The following PIK3C3 variants were observed in gnomAD, a reference collection of about 807,000 sequenced individuals.
PIK3C3 encodes PI3-kinase type 3.
In PIK3C3, 95 loss-of-function variants were observed where a neutral mutation model predicts 126.1. The ratio of observed to expected loss-of-function variants is 0.75; its 90% CI spans 0.64 to 0.89. The LOEUF (loss-of-function observed/expected upper bound fraction) is 0.89, where lower values mean the gene tolerates loss of function less well. PIK3C3 is among the 40% of genes least tolerant of loss of function. PIK3C3 has a pLI of 0.00. For missense variants in PIK3C3, 829 were observed against 1,063.2 expected, an observed-to-expected ratio of 0.78 and a Z score of 3.06; for synonymous variants, 374 against 360.0, an observed-to-expected ratio of 1.04 and a Z score of -0.44.
chr18:42,007,281 CT>C lies in PIK3C3; in HGVS notation c.1170+2744del, dbSNP rs553471342. On this transcript the variant is annotated intron_variant, in intron 10 of 24. Coordinates refer to ENST00000262039, the MANE Select transcript of PIK3C3 (RefSeq NM_002647.4). ...TAAGTCTTTTTACCCTTGTCTTATA[CT>C]TTTAAAAAATTTGTTCCTTTATAAT... Among the ~76,000 whole-genome samples, 292 of 152,216 alleles carry C rather than the reference CT, an allele frequency of 1.9e-3. 1 individual carries two copies. Among genetic ancestry groups the C allele is most frequent in the African/African-American group, 6.4e-3 (268 of 41,556 alleles).
At chr18:42,073,668 T>C (rs1985866795) in intron 24 of PIK3C3, among the ~76,000 whole-genome samples, 1 of 152,198 alleles carries the variant, frequency 6.6e-6, no homozygotes, top group Non-Finnish European at 1.5e-5. Flanking sequence ...TTTTGGACTT[T>C]TTAAGAGATA....
chr18:42,046,976 A>G (rs1012329812), intron 20 of PIK3C3, among the ~76,000 whole-genome samples: 6 of 152,190 alleles, frequency 3.9e-5, no homozygotes, highest in East Asian at 1.9e-4. Context: ...TTGCATTTCC[A>G]TATAACAATG....
At chr18:41,997,223 C>T (rs553523427) in intron 9 of PIK3C3, among the ~76,000 whole-genome samples, 20 of 152,046 alleles carry the variant, frequency 1.3e-4, no homozygotes, top group South Asian at 6.2e-4. Flanking sequence ...GAATTCTAGA[C>T]GAGATGTGGC....
chr18:42,047,137 T>C (rs1038388699), intron 20 of PIK3C3, among the ~76,000 whole-genome samples: 2 of 152,148 alleles, frequency 1.3e-5, no homozygotes, highest in African/African-American at 4.8e-5. Flanking sequence ...TCTATAGAGA[T>C]AGCTAAACTT....
At chr18:41,955,558 G>T in intron 1 of PIK3C3, 199 bp downstream of exon 1, 1 of 519,410 alleles carries the variant, frequency 1.9e-6, no homozygotes, top group South Asian at 2.5e-5. Context: ...TTTAATACGT[G>T]GTCTCCGTGA....
intron 19 of PIK3C3, among the ~76,000 whole-genome samples, chr18:42,040,976 T>C (rs1483748320): frequency 6.6e-6 from 1 of 152,116 alleles, no homozygotes; most frequent in Non-Finnish European, 1.5e-5. Context: ...CAGGCATTAA[T>C]TGGTGAACAC....
chr18:42,086,464 A>G lies in PIK3C3; in HGVS notation c.*5327A>G, dbSNP rs970966143. 4.6e-5 allele frequency: 7 copies of G among 152,232 alleles called. No homozygotes were observed. The highest frequency in any genetic ancestry group is 1.4e-4 in the African/African-American group (6 of 41,456). The allele number at this position is 152,232 out of a possible 1,614,324, so 9.4% of individuals were successfully genotyped here. A position where few individuals can be genotyped will look rare whatever the true frequency, so the allele number is the denominator to read the frequency against. ...GGGCTGCATTCCCAGGAAGTTAGGC[A>G]TTCTTAGTCACAGGATGAGATAGGA... On this transcript the variant is annotated 3_prime_UTR_variant, in exon 25 of 25. Transcript: ENST00000262039.
intron 21 of PIK3C3, among the ~76,000 whole-genome samples, chr18:42,055,111 G>A (rs1985004414): frequency 6.6e-6 from 1 of 152,024 alleles, no homozygotes; most frequent in African/African-American, 2.4e-5. Flanking sequence ...GGAAGTGTTT[G>A]GGTCATGGTG....
At chr18:42,001,145 A>G (rs907784932) in intron 9 of PIK3C3, among the ~76,000 whole-genome samples, 1 of 152,240 alleles carries the variant, frequency 6.6e-6, no homozygotes, top group Non-Finnish European at 1.5e-5. Context: ...TTTTCAGATC[A>G]AATGAATAAA....
At chr18:41,993,194 A>AT (rs1981862383) in intron 6 of PIK3C3, 76 bp from the exon 7 acceptor site, 2 of 750,004 alleles carry the variant, frequency 2.7e-6, no homozygotes, top group South Asian at 3.5e-5. Flanking sequence ...ATTAAAATAC[A>AT]TTGATGTGTA....
rs140837364 is a variant in PIK3C3, at chr18:42,059,506, A to T, written c.2432+1455A>T. On this transcript the variant is annotated intron_variant, in intron 22 of 24. Coordinates refer to ENST00000262039, the MANE Select transcript of PIK3C3 (RefSeq NM_002647.4). ...ATGGTAAGGAATGATAACTAGAGAA[A>T]TGTCAGAGGTGCTCTATCTTATTGA... is the stretch of plus-strand genomic sequence containing the variant. 3.2e-3 allele frequency among the ~76,000 whole-genome samples: 492 copies of T among 152,306 alleles called. 1 individual carries two copies. The highest frequency in any genetic ancestry group is 0.011 in the African/African-American group (466 of 41,572).
intron 12 of PIK3C3, among the ~76,000 whole-genome samples, chr18:42,017,446 T>C (rs1205792360): frequency 6.6e-6 from 1 of 152,118 alleles, no homozygotes; most frequent in African/African-American, 2.4e-5. Context: ...GGTATAGCAT[T>C]ATACATAAGT....
intron 4 of PIK3C3, among the ~76,000 whole-genome samples, chr18:41,986,259 A>AT (rs1981472066): frequency 6.6e-6 from 1 of 152,090 alleles, no homozygotes; most frequent in Non-Finnish European, 1.5e-5. Flanking sequence ...AATAAATGTT[A>AT]TTTTTTTCTC....
At chr18:41,975,062 G>A (rs1188669786) in intron 4 of PIK3C3, among the ~76,000 whole-genome samples, 1 of 152,210 alleles carries the variant, frequency 6.6e-6, no homozygotes, top group African/African-American at 2.4e-5. Context: ...TGGGAATGTT[G>A]TTGAGTAGAG....
intron 24 of PIK3C3, among the ~76,000 whole-genome samples, chr18:42,073,952 T>G (rs1388266718): frequency 1.3e-5 from 2 of 152,158 alleles, no homozygotes; most frequent in Non-Finnish European, 2.9e-5. Context: ...TTTTCTGTGT[T>G]CAGAGTATGT....
At chr18:42,044,970 C>T (rs1984497511) in intron 20 of PIK3C3, among the ~76,000 whole-genome samples, 2 of 152,132 alleles carry the variant, frequency 1.3e-5, no homozygotes, top group African/African-American at 4.8e-5. Flanking sequence ...TTAGAAGTTG[C>T]TTTCTTATAC....
At chr18:42,064,375 T>C (rs1367306716) in intron 22 of PIK3C3, among the ~76,000 whole-genome samples, 1 of 152,198 alleles carries the variant, frequency 6.6e-6, no homozygotes, top group Non-Finnish European at 1.5e-5. Context: ...TATCTTCATC[T>C]AGCAAAAACA....
intron 20 of PIK3C3, among the ~76,000 whole-genome samples, chr18:42,045,129 T>C (rs1348869783): frequency 2.0e-5 from 3 of 152,242 alleles, no homozygotes; most frequent in Non-Finnish European, 4.4e-5. Flanking sequence ...AAAATTGTGT[T>C]TTATAAATTA....
At chr18:42,048,199 T>C (rs140146488) in intron 20 of PIK3C3, among the ~76,000 whole-genome samples, 2 of 152,334 alleles carry the variant, frequency 1.3e-5, no homozygotes, top group African/African-American at 4.8e-5. Context: ...TTTTCTCTTT[T>C]GTGACAAAAC....
Sources: allele counts gnomAD v4.1 joint callset (sites outside exome capture counted in the v4.1 genomes callset), GRCh38; gene constraint gnomAD v4.1.1; transcripts MANE v1.5; gene names NCBI Gene and HGNC (gene_info 2026-07-23, HGNC 2026-07-21).